Variants in DEPTOR observed in about 807,000 individuals in gnomAD.
DEPTOR encodes DEP domain containing MTOR interacting protein, also known as DEP domain-containing mTOR-interacting protein.
A neutral mutation model predicts 41.6 loss-of-function variants in DEPTOR; 41 were observed. That is an observed-to-expected ratio of 0.98 (90% CI 0.77 to 1.28). DEPTOR has a LOEUF of 1.28. Ranked by LOEUF, DEPTOR falls within the 50% of genes most tolerant of loss-of-function variation. The probability of loss-of-function intolerance (pLI) is 0.00; values close to 1 mark genes in which losing one functional copy is unlikely to be tolerated. For missense variants in DEPTOR, 514 were observed against 527.9 expected, an observed-to-expected ratio of 0.97 and a Z score of 0.26; for synonymous variants, 195 against 192.3, an observed-to-expected ratio of 1.01 and a Z score of -0.12.
At chr8:119,943,435 C>T (rs1828229490) in intron 3 of DEPTOR, among the ~76,000 whole-genome samples, 1 of 152,102 alleles carries the variant, frequency 6.6e-6, no homozygotes, top group Non-Finnish European at 1.5e-5. Flanking sequence ...GTAGGAGGAA[C>T]TCTCAAACAC....
rs181522718 is a variant in DEPTOR, at chr8:120,047,881, C to A, written c.1102-1695C>A. Among the ~76,000 whole-genome samples, 55 of 125,982 alleles carry A rather than the reference C, an allele frequency of 4.4e-4. 1 individual carries two copies. In the East Asian group the frequency reaches 0.011, roughly 25 times the overall value. The allele number at this position is 125,982 out of a possible 152,430, so 82.6% of individuals were successfully genotyped here. On this transcript the variant is annotated intron_variant, in intron 8 of 8. Coordinates refer to ENST00000286234, the MANE Select transcript of DEPTOR (RefSeq NM_022783.4). ...GCCAACATGGCGAACCCCCTCTCTA[C>A]CAAAAATACAAAAAATTAGCTGGGC...
At chr8:120,011,012 A>T (rs1381709026) in intron 8 of DEPTOR, among the ~76,000 whole-genome samples, 1 of 152,200 alleles carries the variant, frequency 6.6e-6, no homozygotes, top group Non-Finnish European at 1.5e-5. Flanking sequence ...AAAGCTAAAG[A>T]TCATTCCCCT....
intron 1 of DEPTOR, among the ~76,000 whole-genome samples, chr8:119,910,479 G>A (rs1297032353): frequency 1.3e-5 from 2 of 151,616 alleles, no homozygotes; most frequent in Non-Finnish European, 2.9e-5. Flanking sequence ...TTGAGACAGA[G>A]TCCCGCTCTG....
chr8:120,026,543 A>G (rs1261257432), intron 8 of DEPTOR, among the ~76,000 whole-genome samples: 1 of 151,998 alleles, frequency 6.6e-6, no homozygotes, highest in African/African-American at 2.4e-5. Flanking sequence ...GGGTTTCACC[A>G]TGTTGGACAG....
At chr8:119,888,846 ACT>A (rs1827408573) in intron 1 of DEPTOR, among the ~76,000 whole-genome samples, 1 of 115,318 alleles carries the variant, frequency 8.7e-6, no homozygotes, top group Non-Finnish European at 1.6e-5. Flanking sequence ...ACAGAGCAAG[ACT>A]CTGTCTCAGC....
At chr8:120,043,003 A>G (rs1352526121) in intron 8 of DEPTOR, among the ~76,000 whole-genome samples, 1 of 151,878 alleles carries the variant, frequency 6.6e-6, no homozygotes, top group African/African-American at 2.4e-5. Flanking sequence ...GGTATGTACC[A>G]CCATGCCTGG....
chr8:119,978,166 A>T (rs1828720042), intron 4 of DEPTOR, among the ~76,000 whole-genome samples: 1 of 152,152 alleles, frequency 6.6e-6, no homozygotes, highest in African/African-American at 2.4e-5. Context: ...ACTTTGCCCA[A>T]GCATGATCTT....
intron 7 of DEPTOR, among the ~76,000 whole-genome samples, chr8:120,008,543 A>G (rs1812482169): frequency 6.6e-6 from 1 of 151,554 alleles, no homozygotes; most frequent in African/African-American, 2.4e-5. Context: ...AAAAAAAAAA[A>G]AAGCCAGGTC....
rs1465115403 is a variant in DEPTOR, at chr8:119,928,530, G to A, written c.253G>A (p.Ala85Thr). ...CAAAGAGGCTTCTGACAGAGAGACG[G>A]CAATTAAACTCATGCAGAAATTAGC... ...EHKEASDRETAIKLMQKLADR... is the reference protein window; with the variant it reads ...EHKEASDRETTIKLMQKLADR... The change falls in exon 2 of 9, where the codon GCA (alanine) becomes ACA (threonine). Residue 85 changes from alanine to threonine, a missense_variant. By Grantham distance (58) the Ala-to-Thr change is moderately conservative. Coordinates refer to ENST00000286234, the MANE Select transcript of DEPTOR (RefSeq NM_022783.4). 2 of 1,614,004 alleles carry A rather than the reference G, an allele frequency of 1.2e-6. No individual in the cohort carries two copies. The highest frequency in any genetic ancestry group is 8.5e-7 in the Non-Finnish European group (1 of 1,180,012).
At chr8:119,998,925 C>T (rs1812307073) in intron 4 of DEPTOR, among the ~76,000 whole-genome samples, 1 of 144,056 alleles carries the variant, frequency 6.9e-6, no homozygotes. Context: ...CTTTGGACTT[C>T]AGTTCCCTCA....
At chr8:120,033,244 C>T (rs1040474236) in intron 8 of DEPTOR, among the ~76,000 whole-genome samples, 5 of 151,918 alleles carry the variant, frequency 3.3e-5, no homozygotes, top group Admixed American at 6.6e-5. Flanking sequence ...TGCACTACCA[C>T]GCTCAGCTAA....
At position 120,030,497 on chromosome 8, in the gene DEPTOR, G is replaced by GTTTTTTTTTTTTTTT. The variant is rs1171655489; in HGVS notation, c.1102-19065_1102-19051dup. Among the ~76,000 whole-genome samples, 37 of 46,214 alleles carry GTTTTTTTTTTTTTTT rather than the reference G, an allele frequency of 8.0e-4. 8 individuals are homozygous for GTTTTTTTTTTTTTTT. The highest frequency in any genetic ancestry group is 2.4e-3 in the South Asian group (2 of 824). 30.3% of individuals were successfully genotyped at this position (46,214 alleles called of 152,430 possible). A position where few individuals can be genotyped will look rare whatever the true frequency, so the allele number is the denominator to read the frequency against. ...AATGATGTATTGTGTAGGTTCATCA[G>GTTTTTTTTTTTTTTT]TTTTTTTTTTTTTTTTTTTTTTTTT... On this transcript the variant is annotated intron_variant, in intron 8 of 8. Transcript: ENST00000286234.
chr8:119,983,475 T>C (rs1224087450), intron 4 of DEPTOR, among the ~76,000 whole-genome samples: 3 of 152,028 alleles, frequency 2.0e-5, no homozygotes, highest in African/African-American at 7.2e-5. Context: ...ACCTCTGCCT[T>C]CCAGGTTCAA....
chr8:119,900,331 A>G (rs1458623837), intron 1 of DEPTOR, among the ~76,000 whole-genome samples: 2 of 102,580 alleles, frequency 1.9e-5, no homozygotes, highest in African/African-American at 6.3e-5. Context: ...CTCAAAAAAA[A>G]AAAAAAGAAA....
intron 4 of DEPTOR, among the ~76,000 whole-genome samples, chr8:119,974,205 C>T (rs1828668084): frequency 7.9e-6 from 1 of 126,172 alleles, no homozygotes; most frequent in South Asian, 2.5e-4. Flanking sequence ...TCGGGACCAG[C>T]CTGGGAAACA....
intron 1 of DEPTOR, among the ~76,000 whole-genome samples, chr8:119,890,356 G>T (rs1827437569): frequency 6.6e-6 from 1 of 152,092 alleles, no homozygotes; most frequent in African/African-American, 2.4e-5. Context: ...AGGCTGGAGT[G>T]CAGTGGCACA....
chr8:119,948,343 T>C (rs1452758181), intron 3 of DEPTOR, among the ~76,000 whole-genome samples: 1 of 152,080 alleles, frequency 6.6e-6, no homozygotes, highest in Non-Finnish European at 1.5e-5. Flanking sequence ...ACCCAGGAGA[T>C]GGAGGCTGCA....
intron 8 of DEPTOR, among the ~76,000 whole-genome samples, chr8:120,031,857 G>A (rs914271083): frequency 6.6e-6 from 1 of 152,090 alleles, no homozygotes; most frequent in Non-Finnish European, 1.5e-5. Context: ...CCACTGCTGT[G>A]ACTTGAGTTC....
intron 4 of DEPTOR, among the ~76,000 whole-genome samples, chr8:119,983,235 TTTTTTTC>T (rs1828789213): frequency 6.6e-6 from 1 of 151,910 alleles, no homozygotes; most frequent in African/African-American, 2.4e-5. Context: ...CAGCTTTTCT[TTTTTTTC>T]TTTCTTTTTC....
Sources: gnomAD v4.1 joint callset for allele counts (sites outside exome capture counted in the v4.1 genomes callset) on GRCh38, gnomAD v4.1.1 for gene constraint, MANE v1.5 for transcripts, NCBI Gene and HGNC (gene_info 2026-07-23, HGNC 2026-07-21) for gene names.